The following REV3L variants were observed in gnomAD, a reference collection of about 807,000 sequenced individuals.
REV3L encodes the protein REV3 like, DNA directed polymerase zeta catalytic subunit, also known as DNA polymerase zeta catalytic subunit.
In REV3L, 69 loss-of-function variants were observed where a neutral mutation model predicts 299.4. The ratio of observed to expected loss-of-function variants is 0.23; its 90% CI spans 0.19 to 0.28. The LOEUF (loss-of-function observed/expected upper bound fraction) is 0.28, where lower values mean the gene tolerates loss of function less well. Ranked by LOEUF, REV3L falls within the 10% of genes least tolerant of loss-of-function variation. The probability of loss-of-function intolerance (pLI) is 1.00; values close to 1 mark genes in which losing one functional copy is unlikely to be tolerated. For synonymous variants in REV3L, 1,238 were observed against 1,271.4 expected (o/e 0.97, Z 0.56); for missense variants, 3,128 against 3,693.8 (o/e 0.85, Z 3.97).
chr6:111,354,634 T>C (rs890937760), intron 18 of REV3L, among the ~76,000 whole-genome samples: 21 of 152,188 alleles, frequency 1.4e-4, no homozygotes, highest in African/African-American at 5.1e-4. Flanking sequence ...GGATTCCATT[T>C]TTCCTCTCTA....
At chr6:111,368,329 C>G (rs56268264) in intron 13 of REV3L, among the ~76,000 whole-genome samples, 1 of 152,140 alleles carries the variant, frequency 6.6e-6, no homozygotes, top group Admixed American at 6.5e-5. Context: ...ATGACACAAA[C>G]TTTTCAGATT....
intron 1 of REV3L, among the ~76,000 whole-genome samples, chr6:111,435,324 A>G (rs1237209789): frequency 6.6e-6 from 1 of 152,232 alleles, no homozygotes; most frequent in African/African-American, 2.4e-5. Context: ...TAAAATATGT[A>G]TGGAACCATA....
intron 4 of REV3L, among the ~76,000 whole-genome samples, chr6:111,395,045 A>G (rs1428704877): frequency 6.6e-6 from 1 of 152,052 alleles, no homozygotes; most frequent in Non-Finnish European, 1.5e-5. Context: ...AAAGCTTTGT[A>G]GTATTATTTT....
At position 111,299,905 on chromosome 6, in the gene REV3L, T is replaced by TAAC; in HGVS notation, c.*108_*110dup. The TAAC allele has an allele frequency of 9.5e-7, 1 of 1,048,002 alleles. No individual in the cohort carries two copies. Among genetic ancestry groups the TAAC allele is most frequent in the Non-Finnish European group, 1.4e-6 (1 of 731,750 alleles). 64.9% of individuals were successfully genotyped at this position (1,048,002 alleles called of 1,614,324 possible). ...CATAGAAGTCTTCATAGTCTTCAGA[T>TAAC]AACAGACAGTGAACATCCTTGACTC... On this transcript the variant is annotated 3_prime_UTR_variant, in exon 32 of 32. Coordinates refer to ENST00000368802, the MANE Select transcript of REV3L (RefSeq NM_001372078.1).
At chr6:111,336,524 T>C (rs1360278395) in intron 21 of REV3L, among the ~76,000 whole-genome samples, 1 of 152,104 alleles carries the variant, frequency 6.6e-6, no homozygotes, top group Non-Finnish European at 1.5e-5. Context: ...ATAATAACAG[T>C]ATATTACCAA....
intron 1 of REV3L, among the ~76,000 whole-genome samples, chr6:111,426,673 T>C (rs1162437957): frequency 6.6e-6 from 1 of 152,234 alleles, no homozygotes; most frequent in Non-Finnish European, 1.5e-5. Flanking sequence ...TCTGATGAAA[T>C]GTTGTATCCA....
chr6:111,480,283 T>C (rs1363883255), intron 1 of REV3L, among the ~76,000 whole-genome samples: 8 of 152,338 alleles, frequency 5.3e-5, no homozygotes, highest in Admixed American at 4.6e-4. Flanking sequence ...AGTAAAGATA[T>C]AAACTATAAA....
At chr6:111,379,570 G>T (rs1780626168) in intron 11 of REV3L, among the ~76,000 whole-genome samples, 1 of 152,148 alleles carries the variant, frequency 6.6e-6, no homozygotes, top group African/African-American at 2.4e-5. Context: ...TTTAACCTTA[G>T]TTCCCTTAGT....
chr6:111,362,468 T>C (rs1474371446), intron 16 of REV3L, among the ~76,000 whole-genome samples: 1 of 152,144 alleles, frequency 6.6e-6, no homozygotes, highest in African/African-American at 2.4e-5. Flanking sequence ...AGCAAAGACA[T>C]AAAGTGACTG....
intron 1 of REV3L, among the ~76,000 whole-genome samples, chr6:111,435,951 ACTC>A (rs1217167363): frequency 6.6e-6 from 1 of 152,210 alleles, no homozygotes; most frequent in Non-Finnish European, 1.5e-5. Context: ...AGCTCAAACA[ACTC>A]AATAACAACA....
intron 1 of REV3L, chr6:111,431,146 G>T: frequency 6.5e-7 from 1 of 1,529,764 alleles, no homozygotes; most frequent in Non-Finnish European, 9.0e-7. Context: ...TCTTCCAAGC[G>T]ATCTCAGCAG....
intron 1 of REV3L, among the ~76,000 whole-genome samples, chr6:111,468,823 TTC>T (rs1791831370): frequency 6.6e-6 from 1 of 152,180 alleles, no homozygotes; most frequent in Non-Finnish European, 1.5e-5. Context: ...TTTTATAGAA[TTC>T]TGTTTACATA....
intron 24 of REV3L, among the ~76,000 whole-genome samples, chr6:111,330,493 A>G (rs945958737): frequency 1.3e-5 from 2 of 152,214 alleles, no homozygotes; most frequent in African/African-American, 4.8e-5. Context: ...CAGACCTAAC[A>G]ATTAAAATCT....
In REV3L at chr6:111,469,019, G is replaced by C. The variant is rs950357250; in HGVS notation, c.139+13731C>G. Reference sequence around the variant, plus strand: ...CTACTAAAAATACAAAAAATTAGCTGGGTGGGGTGGTGCATGCCTGTAATC... The same window carrying C: ...CTACTAAAAATACAAAAAATTAGCTCGGTGGGGTGGTGCATGCCTGTAATC... On this transcript the variant is annotated intron_variant, in intron 1 of 31. Transcript: ENST00000368802. Among the ~76,000 whole-genome samples, 3 of 152,040 alleles carry C rather than the reference G, an allele frequency of 2.0e-5. No individual in the cohort carries two copies. The South Asian group carries it at 6.2e-4, about 32-fold the overall frequency.
In REV3L at chr6:111,299,934, G is replaced by C. The variant is rs1028841244; in HGVS notation, c.*82C>G. On this transcript the variant is annotated 3_prime_UTR_variant, in exon 32 of 32. Coordinates refer to ENST00000368802, the MANE Select transcript of REV3L (RefSeq NM_001372078.1). ...AGACAGTGAACATCCTTGACTCGATGAAAGTTAAAAAGCACCATGCACAAC... is the reference window on the plus strand; with the variant it reads ...AGACAGTGAACATCCTTGACTCGATCAAAGTTAAAAAGCACCATGCACAAC... 5.9e-6 allele frequency: 8 copies of C among 1,363,094 alleles called. No individual in the cohort carries two copies. Among genetic ancestry groups the C allele is most frequent in the Non-Finnish European group, 8.0e-6 (8 of 1,003,072 alleles). The allele number at this position is 1,363,094 out of a possible 1,614,324, so 84.4% of individuals were successfully genotyped here.
At chr6:111,387,736 T>C (rs369457329) in intron 9 of REV3L, 29 bp downstream of exon 9, 1 of 1,599,498 alleles carries the variant, frequency 6.3e-7, no homozygotes, top group East Asian at 2.2e-5. Flanking sequence ...GTTCTAGTAG[T>C]TTCTGTATAC....
chr6:111,453,470 T>C (rs1789792890), intron 1 of REV3L, among the ~76,000 whole-genome samples: 1 of 152,190 alleles, frequency 6.6e-6, no homozygotes, highest in African/African-American at 2.4e-5. Context: ...CTCAAGGTTG[T>C]ACTGTTCCCC....
At chr6:111,312,948 T>C (rs17540179) in intron 28 of REV3L, 1,944 of 154,370 alleles carry the variant, frequency 0.013, 34 homozygotes, top group Admixed American at 0.044. Flanking sequence ...CTCTCATGTA[T>C]TGCTTTTTAG....
intron 25 of REV3L, among the ~76,000 whole-genome samples, chr6:111,325,199 T>C (rs1350517816): frequency 2.0e-5 from 3 of 152,150 alleles, no homozygotes; most frequent in Non-Finnish European, 2.9e-5. Context: ...TAAGTAAAAA[T>C]TAATTCCCTG....
Sources: allele counts gnomAD v4.1 joint callset (sites outside exome capture counted in the v4.1 genomes callset), GRCh38; gene constraint gnomAD v4.1.1; transcripts MANE v1.5; gene names NCBI Gene and HGNC (gene_info 2026-07-23, HGNC 2026-07-21).